Variants in ZNF404 observed in about 807,000 individuals in gnomAD.
ZNF404 encodes zinc finger protein 404.
ZNF404 carries 7 observed loss-of-function variants against 7.3 expected under a neutral mutation model. The ratio of observed to expected loss-of-function variants is 0.95; its 90% CI spans 0.54 to 1.79. The LOEUF (loss-of-function observed/expected upper bound fraction) is 1.79. Among genes scored for constraint, ZNF404 ranks in the 40% most tolerant of loss-of-function variants. The probability of loss-of-function intolerance (pLI) is 0.00; values close to 1 mark genes in which losing one functional copy is unlikely to be tolerated. For synonymous variants in ZNF404, 191 were observed against 209.9 expected, an observed-to-expected ratio of 0.91 and a Z score of 0.78; for missense variants, 560 against 661.5, an observed-to-expected ratio of 0.85 and a Z score of 1.68.
rs765099329 is a variant in ZNF404, at chr19:43,873,374, A to C, written c.840T>G (p.Phe280Leu). The stretch of plus-strand genomic sequence containing the variant: ...GTTGGTAAAGACTTGAACGATGACC[A>C]AAAGCCTTTCCACATTCTTTACATT... ...PYKCKECGKAFGHRSSLYQHK... is the reference protein window; with the variant it reads ...PYKCKECGKALGHRSSLYQHK... Residue 280 changes from phenylalanine to leucine, a missense_variant, in exon 3 of 3, where the codon TTT (phenylalanine) becomes TTG (leucine). Coordinates refer to ENST00000587539, the MANE Select transcript of ZNF404 (RefSeq NM_001033719.3). The C allele has an allele frequency of 6.2e-7, 1 of 1,613,244 alleles. No individual in the cohort carries two copies. The highest frequency in any genetic ancestry group is 8.5e-7 in the Non-Finnish European group (1 of 1,179,502).
chr19:43,877,291 GA>G (rs1317393600), intron 2 of ZNF404, among the ~76,000 whole-genome samples: 1 of 151,828 alleles, frequency 6.6e-6, no homozygotes, highest in Non-Finnish European at 1.5e-5. Flanking sequence ...GAAAAAAATA[GA>G]AAAAAAATTT....
At position 43,873,972 on chromosome 19, in the gene ZNF404, AG is replaced by A; in HGVS notation, c.241del (p.Met82Ter). The A allele has an allele frequency of 6.2e-7, 1 of 1,612,754 alleles. No individual in the cohort carries two copies. The highest frequency in any genetic ancestry group is 8.5e-7 in the Non-Finnish European group (1 of 1,179,338). On this transcript the variant is annotated frameshift_variant, in exon 3 of 3. Coordinates refer to ENST00000587539, the MANE Select transcript of ZNF404 (RefSeq NM_001033719.3). LOFTEE classifies it low-confidence loss of function (END_TRUNC). The part of the protein sequence containing the change: ...ETWKRNKTFN[L>X]MRFIFRTDPQ... ...GTCAGTTCTGAAAATAAACCTCATA[AG>A]GTTGAAGGTTTTATTTCTTTTCCAT...
At position 43,873,462 on chromosome 19, in the gene ZNF404, G is replaced by A. The variant is rs76483217; in HGVS notation, c.752C>T (p.Thr251Met). Residue 251 changes from threonine (T) to methionine (M), a missense_variant, in exon 3 of 3, where the codon ACG (threonine) becomes ATG (methionine). Coordinates refer to ENST00000587539, the MANE Select transcript of ZNF404 (RefSeq NM_001033719.3). Reference protein sequence around the residue: ...KPFECKECGETFRLYRHMCLH... With the variant: ...KPFECKECGEMFRLYRHMCLH... The stretch of plus-strand genomic sequence containing the variant: ...ACACATATGTCGATATAATCTAAAC[G>A]TTTCCCCACATTCCTTACATTCAAA... 0.016 allele frequency: 26,074 copies of A among 1,613,436 alleles called. 260 individuals carry two copies. Among genetic ancestry groups the A allele is most frequent in the Non-Finnish European group, 0.019 (22,239 of 1,179,638 alleles).
Position 43,873,864 on chromosome 19 carries a change from G to A in ZNF404, c.350C>T (p.Ser117Phe). The change falls in exon 3 of 3, where the codon TCC becomes TTC. Residue 117 changes from serine (S) to phenylalanine (F), a missense_variant. By Grantham distance (155) the Ser-to-Phe change is radical. Transcript: ENST00000587539. ...FSQMIFKKHK[S>F]LPLHKRNNTR... ...GTTATTTCTCTTATGTAGAGGAAGG[G>A]ATTTATGTTTTTTGAATATCATTTG... The A allele has an allele frequency of 6.2e-7, 1 of 1,612,712 alleles. No individual in the cohort carries two copies.
intron 1 of ZNF404, among the ~76,000 whole-genome samples, chr19:43,881,304 C>T (rs1478818096): frequency 6.6e-6 from 1 of 152,108 alleles, no homozygotes; most frequent in Non-Finnish European, 1.5e-5. Context: ...TCTTTATTCA[C>T]AGATAACATG....
At chr19:43,875,367 T>A (rs1971844609) in intron 2 of ZNF404, among the ~76,000 whole-genome samples, 1 of 152,320 alleles carries the variant, frequency 6.6e-6, no homozygotes, top group South Asian at 2.1e-4. Context: ...ACATTTTCAA[T>A]CTGTTGTGTT....
intron 2 of ZNF404, 151 bp downstream of exon 2, chr19:43,879,859 A>C: frequency 1.1e-6 from 1 of 950,202 alleles, no homozygotes; most frequent in Non-Finnish European, 1.6e-6. Context: ...CCACCTAACA[A>C]ACTTCAAATA....
In ZNF404 at chr19:43,873,078, C is replaced by G. The variant is rs759242801; in HGVS notation, c.1136G>C (p.Gly379Ala). The change falls in exon 3 of 3, where the codon GGT (glycine) becomes GCT (alanine). Residue 379 changes from glycine (G) to alanine (A), a missense_variant. Physicochemically the swap from Gly to Ala is moderately conservative, Grantham distance 60. Coordinates refer to ENST00000587539, the MANE Select transcript of ZNF404 (RefSeq NM_001033719.3). ...QLTQHQRIHT[G>A]EKPHECKECG... is the part of the protein sequence containing the mutation. Reference sequence around the variant, plus strand: ...TTCTTTACATTCATGTGGCTTCTCACCAGTATGAATTCTCTGATGCTGTGT... The same window carrying G: ...TTCTTTACATTCATGTGGCTTCTCAGCAGTATGAATTCTCTGATGCTGTGT... 2.5e-6 allele frequency: 4 copies of G among 1,612,776 alleles called. No homozygotes were observed. The highest frequency in any genetic ancestry group is 3.4e-6 in the Non-Finnish European group (4 of 1,179,298).
At chr19:43,875,284 T>C (rs1191595416) in intron 2 of ZNF404, among the ~76,000 whole-genome samples, 1 of 151,930 alleles carries the variant, frequency 6.6e-6, no homozygotes, top group Non-Finnish European at 1.5e-5. Flanking sequence ...TACTGTAATG[T>C]TTTAAATAAT....
chr19:43,873,934 T>C lies in ZNF404; in HGVS notation c.280A>G (p.Ile94Val), dbSNP rs1435628333. ...GGTCTCTGTTGTCTCCCAAATTCAA[T>C]TGTGTACTGTGGGTCAGTTCTGAAA... ...FIFRTDPQYT[I>V]EFGRQQRPKV... The change falls in exon 3 of 3, where the codon ATT becomes GTT. Residue 94 changes from isoleucine (I) to valine (V), a missense_variant. Coordinates refer to ENST00000587539, the MANE Select transcript of ZNF404 (RefSeq NM_001033719.3). 4.3e-6 allele frequency: 7 copies of C among 1,613,186 alleles called. No individual in the cohort carries two copies. The Admixed American group carries it at 5.0e-5, about 12-fold the overall frequency.
intron 1 of ZNF404, among the ~76,000 whole-genome samples, chr19:43,882,791 T>TA (rs529329255): frequency 0.015 from 1,840 of 120,710 alleles, 20 homozygotes; most frequent in African/African-American, 0.038. Context: ...ACCCCATCTC[T>TA]AAAAAAAAAA....
In ZNF404 at chr19:43,873,682, G is replaced by A. The variant is rs184214090; in HGVS notation, c.532C>T (p.Arg178Ter). The A allele has an allele frequency of 9.4e-5, 151 of 1,613,076 alleles. No individual in the cohort carries two copies. The East Asian group carries it at 1.8e-3, about 19-fold the overall frequency. Residue 178 changes from arginine (R) to a stop codon, truncating the protein, a stop_gained, in exon 3 of 3, where the codon CGA (arginine) becomes TGA (stop). Transcript: ENST00000587539. LOFTEE classifies it low-confidence loss of function (END_TRUNC). ...FVVFQHFIRHRKIHTDLKPYE... is the reference protein window; with the variant it reads ...FVVFQHFIRH ...GGTTTCAAATCAGTGTGGATTTTTC[G>A]ATGTCTAATAAAATGCTGGAAAACT...
chr19:43,873,254 ACTT>A lies in ZNF404; in HGVS notation c.957_959del (p.Arg319del). 1.9e-6 allele frequency: 3 copies of A among 1,613,674 alleles called. No homozygotes were observed. Among genetic ancestry groups the A allele is most frequent in the Non-Finnish European group, 2.5e-6 (3 of 1,179,690 alleles). On this transcript the variant is annotated inframe_deletion, in exon 3 of 3. Transcript: ENST00000587539. ...ATTCATGAGGTTTCTCACCAGTATG[ACTT>A]CTTTGATGTTCAACAAGTAGATAGC... is the stretch of plus-strand genomic sequence containing the variant.
rs2146616426 is a variant in ZNF404, at chr19:43,872,999, A to G, written c.1215T>C (p.His405=). The G allele has an allele frequency of 1.2e-6, 2 of 1,603,124 alleles. No homozygotes were observed. The highest frequency in any genetic ancestry group is 8.5e-7 in the Non-Finnish European group (1 of 1,173,718). Residue 405 remains histidine (H), a synonymous_variant, in exon 3 of 3, where the codon CAT becomes CAC. Transcript: ENST00000587539. The surrounding 1 kb of genome is among the most constrained non-coding windows in gnomAD (Gnocchi z 4.4). ...HSYLIQHQII[H]TDLKPYECKQ... Reference sequence around the variant, plus strand: ...TACATTCATATGGCTTCAAATCAGTATGAATTATCTGATGTTGAATAAGAT... The same window carrying G: ...TACATTCATATGGCTTCAAATCAGTGTGAATTATCTGATGTTGAATAAGAT...
Position 43,873,390 on chromosome 19 carries a change from T to C in ZNF404, c.824A>G (p.Glu275Gly). ...ACGATGACCAAAAGCCTTTCCACAT[T>C]CTTTACATTTGTAGGGTTTCACACC... ...HHGVKPYKCK[E>G]CGKAFGHRSS... is the part of the protein sequence containing the mutation. The change falls in exon 3 of 3, where the codon GAA becomes GGA. Residue 275 changes from glutamate to glycine, a missense_variant. Glu to Gly is a moderately conservative substitution (Grantham distance 98, BLOSUM62 -2). Transcript: ENST00000587539. 1 of 1,613,450 alleles carries C rather than the reference T, an allele frequency of 6.2e-7. No individual in the cohort carries two copies. Among genetic ancestry groups the C allele is most frequent in the Non-Finnish European group, 8.5e-7 (1 of 1,179,626 alleles).
intron 1 of ZNF404, among the ~76,000 whole-genome samples, chr19:43,883,645 C>A (rs1322073996): frequency 1.3e-5 from 2 of 152,176 alleles, no homozygotes; most frequent in African/African-American, 4.8e-5. Flanking sequence ...TCCTATGCCA[C>A]GAAACCATGA....
intron 1 of ZNF404, among the ~76,000 whole-genome samples, chr19:43,880,957 G>T (rs1176532635): frequency 1.3e-5 from 2 of 152,132 alleles, no homozygotes; most frequent in East Asian, 3.8e-4. Context: ...TCAAGGTAAT[G>T]CACCATATTC....
rs746973292 is a variant in ZNF404, at chr19:43,872,661, G to A, written c.1553C>T (p.Thr518Ile). ...DRLTQHETIH[T>I]GVKPQKCKEC... ...TTTGCATTTCTGTGGTTTCACACCA[G>A]TATGAATTGTCTCATGTTGAGTAAG... Residue 518 changes from threonine to isoleucine, a missense_variant, in exon 3 of 3, where the codon ACT becomes ATT. Physicochemically the swap from Thr to Ile is moderately conservative, Grantham distance 89. Transcript: ENST00000587539. This position sits in a 1 kb window ranked among gnomAD's most constrained non-coding sequence, Gnocchi z 4.4. 2 of 1,613,108 alleles carry A rather than the reference G, an allele frequency of 1.2e-6. No individual in the cohort carries two copies. The highest frequency in any genetic ancestry group is 8.5e-7 in the Non-Finnish European group (1 of 1,179,498).
At chr19:43,877,176 T>C (rs2146619368) in intron 2 of ZNF404, among the ~76,000 whole-genome samples, 2 of 152,324 alleles carry the variant, frequency 1.3e-5, no homozygotes, top group Middle Eastern at 6.8e-3. Flanking sequence ...TGGTACCACA[T>C]TTGTAACTTG....
Sources: allele counts gnomAD v4.1 joint callset (sites outside exome capture counted in the v4.1 genomes callset), GRCh38; gene constraint gnomAD v4.1.1; non-coding constraint Gnocchi (gnomAD v3.1); transcripts MANE v1.5; gene names NCBI Gene and HGNC (gene_info 2026-07-23, HGNC 2026-07-21).